OPCML: variants seen among roughly 807,000 people sequenced by gnomAD.
OPCML encodes the protein opioid binding protein/cell adhesion molecule like.
OPCML carries 13 observed loss-of-function variants against 37.8 expected under a neutral mutation model. The observed-to-expected ratio is 0.34, with a 90% CI of 0.22 to 0.55. OPCML has a LOEUF of 0.55. Among genes scored for constraint, OPCML ranks in the 20% least tolerant of loss-of-function variants. The probability of loss-of-function intolerance (pLI) is 0.91; values close to 1 mark genes in which losing one functional copy is unlikely to be tolerated. For synonymous variants in OPCML, 176 were observed against 168.8 expected, an observed-to-expected ratio of 1.04 and a Z score of -0.33; for missense variants, 341 against 435.6, an observed-to-expected ratio of 0.78 and a Z score of 1.93.
intron 1 of OPCML, among the ~76,000 whole-genome samples, chr11:133,140,563 A>AGAAGAAGAAGAG (rs1949761425): frequency 6.8e-6 from 1 of 147,084 alleles, no homozygotes; most frequent in Non-Finnish European, 1.5e-5. Flanking sequence ...AAGAAGAAGA[A>AGAAGAAGAAGAG]GAAGAAGAAG....
chr11:132,818,059 T>A (rs1410338609), intron 2 of OPCML, among the ~76,000 whole-genome samples: 2 of 152,144 alleles, frequency 1.3e-5, no homozygotes, highest in South Asian at 2.1e-4. Context: ...CCCACAGACC[T>A]GAGAACAGAC....
At chr11:132,956,508 G>A (rs1945980945) in intron 1 of OPCML, among the ~76,000 whole-genome samples, 1 of 152,164 alleles carries the variant, frequency 6.6e-6, no homozygotes, top group African/African-American at 2.4e-5. Flanking sequence ...GCTTGACACA[G>A]CATTTTTATT....
At chr11:133,015,395 TGAAGGAAGGAAGGAAG>T (rs1212156985) in intron 1 of OPCML, among the ~76,000 whole-genome samples, 956 of 68,242 alleles carry the variant, frequency 0.014, 13 homozygotes, top group African/African-American at 0.019. Context: ...AAGGAAGGAA[TGAAGGAAGGAAGGAAG>T]GAAGGAAGGA....
rs557434620 is a variant in OPCML, at chr11:133,309,704, G to A, written c.61+222560C>T. On this transcript the variant is annotated intron_variant, in intron 1 of 7. Transcript: ENST00000524381. ...ATGTTGACATGAGGAGAAACTGGAGGAAAAGTGTATGGGACCTCTGAATGT... is the reference window on the plus strand; with the variant it reads ...ATGTTGACATGAGGAGAAACTGGAGAAAAAGTGTATGGGACCTCTGAATGT... Among the ~76,000 whole-genome samples, 8 of 152,332 alleles carry A rather than the reference G, an allele frequency of 5.3e-5. No homozygotes were observed. In the East Asian group the frequency reaches 9.6e-4, roughly 18 times the overall value.
intron 1 of OPCML, among the ~76,000 whole-genome samples, chr11:132,969,034 G>C (rs954873014): frequency 6.6e-6 from 1 of 151,938 alleles, no homozygotes; most frequent in South Asian, 2.1e-4. Flanking sequence ...TTGGAAACAG[G>C]TGGTATCTGG....
At chr11:133,026,462 A>C in intron 1 of OPCML, 1 of 985,268 alleles carries the variant, frequency 1.0e-6, no homozygotes, top group African/African-American at 1.7e-5. Context: ...CTGTTTTGCA[A>C]CCTCATCCTG....
intron 1 of OPCML, among the ~76,000 whole-genome samples, chr11:133,436,868 G>T (rs1275187989): frequency 2.0e-5 from 3 of 152,124 alleles, no homozygotes; most frequent in Admixed American, 6.5e-5. Context: ...GGACTCAGGG[G>T]TATGATGGAA....
chr11:132,425,484 T>C (rs75129691), intron 7 of OPCML, among the ~76,000 whole-genome samples: 4,300 of 152,264 alleles, frequency 0.028, 195 homozygotes, highest in East Asian at 0.17. Flanking sequence ...ATTTTATGTA[T>C]AAAATGTGGA....
At chr11:132,896,155 G>A (rs537189338) in intron 2 of OPCML, among the ~76,000 whole-genome samples, 1 of 152,170 alleles carries the variant, frequency 6.6e-6, no homozygotes, top group Admixed American at 6.5e-5. Flanking sequence ...AGCTGGAGAT[G>A]CCTGATCTCC....
chr11:133,202,724 G>A (rs1425910457), intron 1 of OPCML, among the ~76,000 whole-genome samples: 1 of 152,174 alleles, frequency 6.6e-6, no homozygotes, highest in South Asian at 2.1e-4. Context: ...AGCTCAGGTG[G>A]GAAACAGGCA....
intron 2 of OPCML, among the ~76,000 whole-genome samples, chr11:132,796,722 C>A (rs894433441): frequency 5.9e-5 from 9 of 151,880 alleles, no homozygotes; most frequent in Admixed American, 6.6e-5. Context: ...GGACTACAGG[C>A]GCCAGCCGCC....
At chr11:132,511,185 A>G (rs7106636) in intron 4 of OPCML, among the ~76,000 whole-genome samples, 31,753 of 152,070 alleles carry the variant, frequency 0.21, 3,409 homozygotes, top group Non-Finnish European at 0.23. Flanking sequence ...AACAATTGAG[A>G]TTTTTAAAAT....
At chr11:132,460,741 T>C (rs1210620944) in intron 4 of OPCML, among the ~76,000 whole-genome samples, 2 of 152,174 alleles carry the variant, frequency 1.3e-5, no homozygotes, top group African/African-American at 2.4e-5. Flanking sequence ...ATAAACACAG[T>C]TCACAAAGAC....
At chr11:132,987,118 G>A (rs1386501323) in intron 1 of OPCML, among the ~76,000 whole-genome samples, 11 of 152,138 alleles carry the variant, frequency 7.2e-5, no homozygotes, top group Admixed American at 2.6e-4. Flanking sequence ...CAACTAATGT[G>A]CTAGGTGCCC....
At chr11:132,685,046 G>T (rs1295780867) in intron 2 of OPCML, among the ~76,000 whole-genome samples, 2 of 152,148 alleles carry the variant, frequency 1.3e-5, no homozygotes, top group African/African-American at 2.4e-5. Context: ...TTTTAAATTT[G>T]ATATCAGGAC....
At chr11:132,969,521 T>C (rs760573624) in intron 1 of OPCML, among the ~76,000 whole-genome samples, 5 of 152,192 alleles carry the variant, frequency 3.3e-5, no homozygotes, top group Non-Finnish European at 4.4e-5. Flanking sequence ...TCTCCTCTTG[T>C]TCTGGGACCC....
chr11:132,952,297 C>A (rs1945877138), intron 1 of OPCML, among the ~76,000 whole-genome samples: 1 of 152,092 alleles, frequency 6.6e-6, no homozygotes, highest in Non-Finnish European at 1.5e-5. Flanking sequence ...TTGACTGGGG[C>A]TTCCGTTTTT....
At chr11:132,894,206 A>T (rs1240260739) in intron 2 of OPCML, among the ~76,000 whole-genome samples, 2 of 152,208 alleles carry the variant, frequency 1.3e-5, no homozygotes, top group Non-Finnish European at 2.9e-5. Flanking sequence ...TAGGTCTTTT[A>T]TCAGTCATTA....
chr11:132,528,459 C>T (rs2096314609), intron 4 of OPCML, among the ~76,000 whole-genome samples: 1 of 152,186 alleles, frequency 6.6e-6, no homozygotes, highest in Non-Finnish European at 1.5e-5. Context: ...GGGCAAGCCC[C>T]ACTGTCCTTC....
Sources: gnomAD v4.1 joint callset for allele counts (sites outside exome capture counted in the v4.1 genomes callset) on GRCh38, gnomAD v4.1.1 for gene constraint, MANE v1.5 for transcripts, NCBI Gene and HGNC (gene_info 2026-07-23, HGNC 2026-07-21) for gene names.